Variants in TCP11 observed in about 807,000 individuals in gnomAD.
TCP11 encodes t-complex 11.
TCP11 carries 34 observed loss-of-function variants against 45.0 expected under a neutral mutation model. The ratio of observed to expected loss-of-function variants is 0.76; its 90% CI spans 0.57 to 1.01. The LOEUF (loss-of-function observed/expected upper bound fraction) is 1.01. Ranked by LOEUF, TCP11 falls within the 50% of genes least tolerant of loss-of-function variation. TCP11 has a pLI of 0.00. For missense variants in TCP11, 523 were observed against 598.1 expected, an observed-to-expected ratio of 0.87 and a Z score of 1.31; for synonymous variants, 227 against 227.0, an observed-to-expected ratio of 1.00 and a Z score of 0.00.
intron 2 of TCP11, among the ~76,000 whole-genome samples, chr6:35,139,809 C>T (rs942444329): frequency 1.2e-4 from 19 of 152,146 alleles, no homozygotes; most frequent in Non-Finnish European, 2.5e-4. Flanking sequence ...AAAATTTAAC[C>T]GAAATAGATT....
At chr6:35,134,221 T>C (rs1004227304) in intron 3 of TCP11, among the ~76,000 whole-genome samples, 5 of 150,662 alleles carry the variant, frequency 3.3e-5, no homozygotes, top group Non-Finnish European at 7.4e-5. Flanking sequence ...CTCAAGTCCC[T>C]GATACAAAAT....
Position 35,122,045 on chromosome 6 carries a change from T to C in TCP11, c.578+72A>G, listed in dbSNP as rs759997325. The C allele has an allele frequency of 3.6e-4, 517 of 1,454,794 alleles. 2 individuals are homozygous for C. Among genetic ancestry groups the C allele is most frequent in the Non-Finnish European group, 4.7e-4 (485 of 1,037,490 alleles). 90.1% of individuals were successfully genotyped at this position (1,454,794 alleles called of 1,614,324 possible). The stretch of plus-strand genomic sequence containing the variant: ...GAGCTGGTCAAGACGATGGCTATAA[T>C]CTAGGTCTGGCCCAGCTTTTCCGGG... On this transcript the variant is annotated intron_variant, in intron 5 of 9. Transcript: ENST00000311875.
At chr6:35,140,281 G>C in intron 2 of TCP11, 1 of 1,334,770 alleles carries the variant, frequency 7.5e-7, no homozygotes, top group South Asian at 1.3e-5. Flanking sequence ...CTACCACGAA[G>C]CGCGGAGAAG....
rs766115309 is a variant in TCP11, at chr6:35,121,052, CAG to C, written c.579-9_579-8del. On this transcript the variant is annotated splice_polypyrimidine_tract_variant and splice_region_variant and intron_variant, in intron 5 of 9. Transcript: ENST00000311875. Reference sequence around the variant, plus strand: ...CAGAACCTGGAAGATCCCTCTGACACAGGGGGAAAGAGAATATTTATACTACT... The same window carrying C: ...CAGAACCTGGAAGATCCCTCTGACACGGGGAAAGAGAATATTTATACTACT... 6.6e-5 allele frequency: 105 copies of C among 1,600,040 alleles called. 2 individuals carry two copies. In the South Asian group the frequency reaches 1.1e-3, roughly 17 times the overall value.
At chr6:35,126,841 T>C (rs1318335446) in intron 4 of TCP11, among the ~76,000 whole-genome samples, 1 of 151,812 alleles carries the variant, frequency 6.6e-6, no homozygotes, top group Non-Finnish European at 1.5e-5. Flanking sequence ...CTATTTTTTG[T>C]AGAGATGGGT....
intron 9 of TCP11, 40 bp from the exon 10 acceptor site, chr6:35,118,541 C>T: frequency 6.3e-7 from 1 of 1,578,910 alleles, no homozygotes; most frequent in Non-Finnish European, 8.6e-7. Context: ...AAAAGGCAAA[C>T]AGATTTCAGG....
In TCP11 at chr6:35,136,220, T is replaced by C; in HGVS notation, c.125-2A>G. On this transcript the variant is annotated splice_acceptor_variant, in intron 2 of 9. Transcript: ENST00000311875. LOFTEE classifies it high-confidence loss of function. The stretch of plus-strand genomic sequence containing the variant: ...CTGTCAGACCTGTGACAGAAAGAAC[T>C]GATGGTGGACAACAATGAGCCCATG... 6.2e-7 allele frequency: 1 copy of C among 1,611,148 alleles called. No homozygotes were observed. Among genetic ancestry groups the C allele is most frequent in the South Asian group, 1.1e-5 (1 of 90,822 alleles).
rs556832331 is a variant in TCP11, at chr6:35,139,986, T to C, written c.124+761A>G. On this transcript the variant is annotated intron_variant, in intron 2 of 9. Coordinates refer to ENST00000311875, the MANE Select transcript of TCP11 (RefSeq NM_001370687.1). The stretch of plus-strand genomic sequence containing the variant: ...TAAATAGACACCTCAAAAACTTAAA[T>C]TGTGTGTACAAAAAAACGGATTTTT... 9.2e-5 allele frequency: 148 copies of C among 1,610,912 alleles called. 2 individuals are homozygous for C. In the South Asian group the frequency reaches 1.5e-3, roughly 16 times the overall value.
intron 3 of TCP11, among the ~76,000 whole-genome samples, chr6:35,135,241 C>T (rs1251057700): frequency 6.6e-6 from 1 of 152,012 alleles, no homozygotes; most frequent in East Asian, 1.9e-4. Context: ...GGCACCATCT[C>T]TCACACACAC....
chr6:35,125,776 GATGT>G (rs369986652), intron 4 of TCP11, among the ~76,000 whole-genome samples: 6 of 152,152 alleles, frequency 3.9e-5, no homozygotes, highest in African/African-American at 1.4e-4. Context: ...TCCATCAACA[GATGT>G]ATGAACAAAA....
At chr6:35,141,053 C>T in intron 1 of TCP11, 152 bp downstream of exon 1, 1 of 1,234,156 alleles carries the variant, frequency 8.1e-7, no homozygotes, top group Non-Finnish European at 1.0e-6. Flanking sequence ...GAGAGTGGGA[C>T]AGAAGTGGAG....
Position 35,129,091 on chromosome 6 carries a change from C to T in TCP11, c.328G>A (p.Ala110Thr). Residue 110 changes from alanine to threonine, a missense_variant, in exon 4 of 10, where the codon GCT (alanine) becomes ACT (threonine). Ala to Thr is a moderately conservative substitution (Grantham distance 58, BLOSUM62 0). Around this residue, in one of 2 missense-constraint regions of TCP11, gnomAD observed 225 missense variants for 210.2 expected, o/e 1.07. Coordinates refer to ENST00000311875, the MANE Select transcript of TCP11 (RefSeq NM_001370687.1). The part of the protein sequence containing the change: ...LSATPPDFSC[A>T]LELLKEIKEI... The stretch of plus-strand genomic sequence containing the variant: ...TTAATTTCTTTCAGAAGTTCAAGAG[C>T]ACAGCTGAAGTCAGGGGGAGTTGCT... 6.2e-7 allele frequency: 1 copy of T among 1,614,068 alleles called. No homozygotes were observed. The highest frequency in any genetic ancestry group is 8.5e-7 in the Non-Finnish European group (1 of 1,179,988).
chr6:35,133,752 T>C (rs889328528), intron 3 of TCP11, among the ~76,000 whole-genome samples: 1 of 151,014 alleles, frequency 6.6e-6, no homozygotes, highest in African/African-American at 2.4e-5. Context: ...ATCGCGCCAC[T>C]GCACACCCCA....
intron 1 of TCP11, 147 bp downstream of exon 1, chr6:35,141,058 G>T: frequency 8.2e-7 from 1 of 1,225,928 alleles, no homozygotes; most frequent in Non-Finnish European, 1.0e-6. Flanking sequence ...TGGGACAGAA[G>T]TGGAGCGCTG....
intron 2 of TCP11, chr6:35,140,052 T>A (rs772490559): frequency 6.2e-7 from 1 of 1,614,090 alleles, no homozygotes; most frequent in East Asian, 2.2e-5. Context: ...ATGACCCCAA[T>A]ATGCCTTTTG....
In TCP11 at chr6:35,120,623, A is replaced by G; in HGVS notation, c.739T>C (p.Trp247Arg). 1 of 1,613,670 alleles carries G rather than the reference A, an allele frequency of 6.2e-7. No individual in the cohort carries two copies. Among genetic ancestry groups the G allele is most frequent in the Non-Finnish European group, 8.5e-7 (1 of 1,179,968 alleles). Residue 247 changes from tryptophan (W) to arginine (R), a missense_variant, in exon 7 of 10, where the codon TGG becomes CGG. Transcript: ENST00000311875. The surrounding 1 kb of genome is among the most constrained non-coding windows in gnomAD (Gnocchi z 4.9). ...QPSLLNHTTK[W>R]LTQAAGDLTM... ...AGGTCTCCTGCTGCTTGGGTCAGCCATTTGGTGGTGTGATTAAGGAGACCT... is the reference window on the plus strand; with the variant it reads ...AGGTCTCCTGCTGCTTGGGTCAGCCGTTTGGTGGTGTGATTAAGGAGACCT...
intron 4 of TCP11, among the ~76,000 whole-genome samples, chr6:35,124,419 C>G (rs1779606613): frequency 6.6e-6 from 1 of 152,136 alleles, no homozygotes; most frequent in African/African-American, 2.4e-5. Flanking sequence ...AAATCTATTC[C>G]TTCTTTAATG....
chr6:35,140,548 C>T (rs1480199641), intron 2 of TCP11, 199 bp downstream of exon 2: 2 of 672,152 alleles, frequency 3.0e-6, no homozygotes, highest in Non-Finnish European at 5.5e-6. Flanking sequence ...ACGCTTGGGT[C>T]ACTTCTTTCT....
chr6:35,131,530 C>T (rs4711403), intron 3 of TCP11, among the ~76,000 whole-genome samples: 55,149 of 150,956 alleles, frequency 0.37, 12,674 homozygotes, highest in Middle Eastern at 0.49. Context: ...ATTGTGCCAC[C>T]GCACTCCAGC....
Sources: allele counts gnomAD v4.1 joint callset (sites outside exome capture counted in the v4.1 genomes callset), GRCh38; gene constraint gnomAD v4.1.1; regional missense constraint gnomAD v4.1.1; non-coding constraint Gnocchi (gnomAD v3.1); transcripts MANE v1.5; gene names NCBI Gene and HGNC (gene_info 2026-07-23, HGNC 2026-07-21).